WASHC3: variants seen among roughly 807,000 people sequenced by gnomAD.
WASHC3 encodes the protein WASH complex subunit 3, also known as WASH complex subunit CCDC53.
WASHC3 carries 24 observed loss-of-function variants against 26.1 expected under a neutral mutation model. The observed-to-expected ratio is 0.92, with a 90% CI of 0.66 to 1.29. The LOEUF is 1.29. Among genes scored for constraint, WASHC3 ranks in the 50% most tolerant of loss-of-function variants. The probability of loss-of-function intolerance (pLI) is 0.00; values close to 1 mark genes in which losing one functional copy is unlikely to be tolerated. For missense variants in WASHC3, 214 were observed against 229.6 expected (o/e 0.93, Z 0.44); for synonymous variants, 77 against 75.7 (o/e 1.02, Z -0.09).
intron 5 of WASHC3, among the ~76,000 whole-genome samples, chr12:102,032,289 T>C (rs1386178061): frequency 6.6e-6 from 1 of 152,200 alleles, no homozygotes; most frequent in South Asian, 2.1e-4. Context: ...TCTAAGAGAC[T>C]GTTTTGGCAA....
intron 5 of WASHC3, among the ~76,000 whole-genome samples, chr12:102,036,807 G>C (rs895932915): frequency 2.0e-5 from 3 of 152,078 alleles, no homozygotes; most frequent in Non-Finnish European, 2.9e-5. Context: ...AGAAAAATTT[G>C]TCTTAAATCA....
chr12:102,042,972 A>G (rs1005068482), intron 4 of WASHC3, among the ~76,000 whole-genome samples: 1 of 152,272 alleles, frequency 6.6e-6, no homozygotes, highest in African/African-American at 2.4e-5. Context: ...ATACAGAAGC[A>G]TAAGTAAATG....
intron 5 of WASHC3, among the ~76,000 whole-genome samples, chr12:102,037,985 A>G (rs1420005006): frequency 6.6e-6 from 1 of 151,850 alleles, no homozygotes; most frequent in African/African-American, 2.4e-5. Context: ...AGTAGAGACA[A>G]GGTTTCTCCA....
At chr12:102,015,123 C>A (rs1384654465) in intron 6 of WASHC3, among the ~76,000 whole-genome samples, 1 of 152,056 alleles carries the variant, frequency 6.6e-6, no homozygotes, top group East Asian at 1.9e-4. Flanking sequence ...GGCAACAGGG[C>A]AAAACACCAT....
At chr12:102,045,809 T>G (rs1878136706) in intron 3 of WASHC3, among the ~76,000 whole-genome samples, 1 of 152,266 alleles carries the variant, frequency 6.6e-6, no homozygotes, top group Non-Finnish European at 1.5e-5. Context: ...AACATGTTAC[T>G]CGCATTATGC....
At chr12:102,054,470 G>A (rs773757423) in intron 2 of WASHC3, among the ~76,000 whole-genome samples, 8 of 152,180 alleles carry the variant, frequency 5.3e-5, no homozygotes, top group Non-Finnish European at 1.2e-4. Flanking sequence ...CTGAACTCAG[G>A]AGTTTGAGAC....
chr12:102,020,257 G>A (rs151027709), intron 6 of WASHC3, among the ~76,000 whole-genome samples: 2 of 152,268 alleles, frequency 1.3e-5, no homozygotes, highest in African/African-American at 4.8e-5. Context: ...GGAGAGACAC[G>A]GTTTATTACA....
chr12:102,036,831 G>T (rs1412087707), intron 5 of WASHC3, among the ~76,000 whole-genome samples: 1 of 152,106 alleles, frequency 6.6e-6, no homozygotes, highest in Non-Finnish European at 1.5e-5. Context: ...ACAGTCTGAG[G>T]CAGAAGAAAT....
chr12:102,054,158 G>T (rs1384928242), intron 2 of WASHC3, among the ~76,000 whole-genome samples: 3 of 152,172 alleles, frequency 2.0e-5, no homozygotes, highest in Non-Finnish European at 4.4e-5. Flanking sequence ...GACAGCAAGA[G>T]TGGAAGAAAG....
At chr12:102,034,627 G>A (rs73382846) in intron 5 of WASHC3, among the ~76,000 whole-genome samples, 181 of 152,182 alleles carry the variant, frequency 1.2e-3, no homozygotes, top group African/African-American at 3.9e-3. Flanking sequence ...GAAGCTTTAC[G>A]CTGAAATCAA....
At position 102,013,323 on chromosome 12, in the gene WASHC3, C is replaced by T. The variant is rs372577599; in HGVS notation, c.501-131G>A. The T allele has an allele frequency of 4.8e-5, 29 of 602,738 alleles. 1 individual carries two copies. Among genetic ancestry groups the T allele is most frequent in the Admixed American group, 8.7e-5 (3 of 34,404 alleles). The allele number at this position is 602,738 out of a possible 1,614,324, so 37.3% of individuals were successfully genotyped here. Reference sequence around the variant, plus strand: ...CCAAGTCCGTGTCCTCAGTCTCCTGCTCTACACCACAGCGTGCTTCTCTCG... The same window carrying T: ...CCAAGTCCGTGTCCTCAGTCTCCTGTTCTACACCACAGCGTGCTTCTCTCG... On this transcript the variant is annotated intron_variant, in intron 6 of 6. Transcript: ENST00000240079.
intron 6 of WASHC3, among the ~76,000 whole-genome samples, chr12:102,024,101 A>G (rs954084095): frequency 2.0e-5 from 3 of 152,192 alleles, no homozygotes; most frequent in African/African-American, 7.2e-5. Context: ...GAATAGGAAA[A>G]TGTTACATTC....
intron 5 of WASHC3, among the ~76,000 whole-genome samples, chr12:102,028,416 C>A (rs529439024): frequency 2.0e-5 from 3 of 152,094 alleles, no homozygotes; most frequent in Non-Finnish European, 4.4e-5. Context: ...GAGTTAATGT[C>A]ATAGTTCTTT....
intron 6 of WASHC3, among the ~76,000 whole-genome samples, chr12:102,017,285 A>G (rs1876746898): frequency 6.6e-6 from 1 of 152,076 alleles, no homozygotes; most frequent in East Asian, 1.9e-4. Context: ...ACGTTTGCAC[A>G]ATGACAAAAT....
At chr12:102,058,749 A>G (rs1878689237) in intron 2 of WASHC3, among the ~76,000 whole-genome samples, 1 of 152,208 alleles carries the variant, frequency 6.6e-6, no homozygotes, top group Non-Finnish European at 1.5e-5. Context: ...AGACATCTGT[A>G]CTTGAAAGTT....
At chr12:102,061,449 GA>G (rs1410051994) in intron 1 of WASHC3, 103 bp from the exon 2 acceptor site, 5 of 759,922 alleles carry the variant, frequency 6.6e-6, no homozygotes, top group Non-Finnish European at 1.1e-5. Context: ...TGTGTGATAT[GA>G]ATTTCTTGAA....
At chr12:102,018,170 C>T (rs1025620308) in intron 6 of WASHC3, among the ~76,000 whole-genome samples, 1 of 152,102 alleles carries the variant, frequency 6.6e-6, no homozygotes, top group African/African-American at 2.4e-5. Flanking sequence ...AGTAATATTC[C>T]ACCGTATGTA....
chr12:102,050,453 A>AAC (rs58251617), intron 2 of WASHC3: 19,757 of 332,532 alleles, frequency 0.059, 421 homozygotes, highest in African/African-American at 0.12. Flanking sequence ...TGCCATCTCT[A>AAC]ACACACACAC....
intron 5 of WASHC3, among the ~76,000 whole-genome samples, chr12:102,027,873 ACT>A (rs1877266959): frequency 6.6e-6 from 1 of 152,146 alleles, no homozygotes; most frequent in African/African-American, 2.4e-5. Flanking sequence ...GCTTATTAAG[ACT>A]CAGGTAAAAA....
Sources: allele counts gnomAD v4.1 joint callset (sites outside exome capture counted in the v4.1 genomes callset), GRCh38; gene constraint gnomAD v4.1.1; transcripts MANE v1.5; gene names NCBI Gene and HGNC (gene_info 2026-07-23, HGNC 2026-07-21).